The following ARMC3 variants were observed in gnomAD, a reference collection of about 807,000 sequenced individuals.
ARMC3 encodes the protein armadillo repeat containing 3.
In ARMC3, 74 loss-of-function variants were observed where a neutral mutation model predicts 90.3. The observed-to-expected ratio is 0.82, with a 90% confidence interval of 0.68 to 0.99. ARMC3 has a LOEUF of 0.99. Ranked by LOEUF, ARMC3 falls within the 50% of genes least tolerant of loss-of-function variation. ARMC3 has a pLI of 0.00. For missense variants in ARMC3, 958 were observed against 1,042.8 expected (o/e 0.92, Z 1.12); for synonymous variants, 334 against 361.8 (o/e 0.92, Z 0.87).
chr10:22,995,796 T>A (rs746562133), intron 10 of ARMC3, among the ~76,000 whole-genome samples: 1 of 152,262 alleles, frequency 6.6e-6, no homozygotes, highest in Non-Finnish European at 1.5e-5. Context: ...CCCTGCGAAC[T>A]CCTTTAGTTT....
intron 16 of ARMC3, among the ~76,000 whole-genome samples, chr10:23,027,966 C>T (rs1838781229): frequency 6.6e-6 from 1 of 152,030 alleles, no homozygotes; most frequent in Non-Finnish European, 1.5e-5. Flanking sequence ...CATAGTGAGA[C>T]CTTGTCTTTA....
intron 10 of ARMC3, among the ~76,000 whole-genome samples, chr10:22,995,999 T>C (rs1836932142): frequency 6.6e-6 from 1 of 152,208 alleles, no homozygotes; most frequent in African/African-American, 2.4e-5. Flanking sequence ...AAAGGAATCA[T>C]GCATTTTGGC....
chr10:22,997,709 A>G (rs901837268), intron 10 of ARMC3, among the ~76,000 whole-genome samples: 18 of 152,176 alleles, frequency 1.2e-4, no homozygotes, highest in Non-Finnish European at 4.4e-5. Flanking sequence ...TTGTTTTCTT[A>G]ATAGCTAGGA....
intron 7 of ARMC3, among the ~76,000 whole-genome samples, chr10:22,965,636 C>CAA (rs1835409296): frequency 6.6e-6 from 1 of 152,166 alleles, no homozygotes; most frequent in African/African-American, 2.4e-5. Flanking sequence ...CATTCCTTCT[C>CAA]TCCCTCCGGA....
At position 22,962,037 on chromosome 10, in the gene ARMC3, A is replaced by G; in HGVS notation, c.691A>G (p.Asn231Asp). 6.2e-7 allele frequency: 1 copy of G among 1,603,242 alleles called. No individual in the cohort carries two copies. The highest frequency in any genetic ancestry group is 1.1e-5 in the South Asian group (1 of 88,780). The part of the protein sequence containing the change: ...DKESRTMLRD[N>D]QGLDHLIKIL... ...GGAGTCTCGAACAATGCTAAGAGAC[A>G]ATCAAGGATTGGACCATCTTATTAA... The change falls in exon 7 of 19, where the codon AAT becomes GAT. Residue 231 changes from asparagine (N) to aspartate (D), a missense_variant. Asn to Asp is a conservative substitution (Grantham distance 23). Transcript: ENST00000298032.
intron 14 of ARMC3, among the ~76,000 whole-genome samples, chr10:23,007,773 C>T (rs1490568744): frequency 6.7e-6 from 1 of 150,328 alleles, no homozygotes; most frequent in African/African-American, 2.4e-5. Flanking sequence ...TTATGTGATA[C>T]ATTTTATACA....
chr10:23,030,532 A>G (rs1480318123), intron 16 of ARMC3, 64 bp from the exon 17 acceptor site: 44 of 1,542,824 alleles, frequency 2.9e-5, no homozygotes, highest in Admixed American at 5.9e-5. Flanking sequence ...TCAGAAATGC[A>G]AGAGCAATTG....
At chr10:23,003,465 T>C (rs768046779) in intron 13 of ARMC3, 51 bp downstream of exon 13, 1 of 1,404,372 alleles carries the variant, frequency 7.1e-7, no homozygotes, top group Non-Finnish European at 9.5e-7. Context: ...ATAATTTTTC[T>C]TTAATCCTGA....
intron 3 of ARMC3, among the ~76,000 whole-genome samples, chr10:22,951,436 T>A (rs1334900146): frequency 6.6e-6 from 1 of 152,178 alleles, no homozygotes; most frequent in Non-Finnish European, 1.5e-5. Flanking sequence ...TTAATATTTA[T>A]AGAACACTTT....
At chr10:22,956,037 T>C in intron 4 of ARMC3, 105 bp downstream of exon 4, 1 of 1,123,764 alleles carries the variant, frequency 8.9e-7, no homozygotes, top group South Asian at 1.7e-5. Flanking sequence ...TTAAACTGAC[T>C]TTCATGTTCA....
intron 2 of ARMC3, among the ~76,000 whole-genome samples, chr10:22,933,931 G>A (rs192781812): frequency 1.3e-5 from 2 of 152,056 alleles, no homozygotes; most frequent in East Asian, 1.9e-4. Context: ...CTGACAGAGT[G>A]GTATTAAAAT....
chr10:22,959,675 A>C, intron 6 of ARMC3, 101 bp downstream of exon 6: 1 of 1,139,786 alleles, frequency 8.8e-7, no homozygotes, highest in Non-Finnish European at 1.2e-6. Flanking sequence ...CCAGTTTTGC[A>C]TCATCAGATC....
chr10:22,966,265 G>A (rs1835434720), intron 7 of ARMC3, among the ~76,000 whole-genome samples: 1 of 152,180 alleles, frequency 6.6e-6, no homozygotes, highest in African/African-American at 2.4e-5. Context: ...TCAGTCTCAG[G>A]CTCTGACCTC....
At position 23,032,921 on chromosome 10, in the gene ARMC3, G is replaced by A. The variant is rs1400224296; in HGVS notation, c.2307G>A (p.Trp769Ter). 6.2e-7 allele frequency: 1 copy of A among 1,612,828 alleles called. No individual in the cohort carries two copies. Among genetic ancestry groups the A allele is most frequent in the African/African-American group, 1.3e-5 (1 of 74,830 alleles). ...AAGAGAAACTACCTGATTTCAGCTG[G>A]GAACTTCACATAAGTGAACTGAAAT... ...IPKEKLPDFS[W>*]ELHISELKFQ... Residue 769 changes from tryptophan (W) to a stop codon, truncating the protein, a stop_gained, in exon 18 of 19, where the codon TGG (tryptophan) becomes TGA (stop). Coordinates refer to ENST00000298032, the MANE Select transcript of ARMC3 (RefSeq NM_173081.5). LOFTEE classifies it high-confidence loss of function.
intron 10 of ARMC3, among the ~76,000 whole-genome samples, chr10:22,981,947 C>T (rs1202159415): frequency 6.6e-6 from 1 of 152,110 alleles, no homozygotes; most frequent in African/African-American, 2.4e-5. Context: ...TTTCAGGGAC[C>T]AAGAGGACTC....
chr10:22,938,026 A>C (rs1329265304), intron 2 of ARMC3, among the ~76,000 whole-genome samples: 1 of 152,252 alleles, frequency 6.6e-6, no homozygotes, highest in Non-Finnish European at 1.5e-5. Flanking sequence ...ACAGTCAATT[A>C]ATAATAATAT....
At chr10:22,933,332 C>G (rs1834000405) in intron 2 of ARMC3, among the ~76,000 whole-genome samples, 1 of 152,052 alleles carries the variant, frequency 6.6e-6, no homozygotes, top group South Asian at 2.1e-4. Context: ...TTAATGGCAT[C>G]TGATTAGCAA....
intron 10 of ARMC3, among the ~76,000 whole-genome samples, chr10:22,982,391 C>T (rs1836234492): frequency 6.6e-6 from 1 of 152,170 alleles, no homozygotes; most frequent in African/African-American, 2.4e-5. Flanking sequence ...AACAAACAAA[C>T]AAACAAACCA....
intron 8 of ARMC3, among the ~76,000 whole-genome samples, chr10:22,971,544 G>A (rs908188635): frequency 4.7e-5 from 7 of 150,238 alleles, no homozygotes; most frequent in South Asian, 2.1e-4. Context: ...GGCTTCCAGC[G>A]ATTCTCCTGC....
Sources: gnomAD v4.1 joint callset for allele counts (sites outside exome capture counted in the v4.1 genomes callset) on GRCh38, gnomAD v4.1.1 for gene constraint, MANE v1.5 for transcripts, NCBI Gene and HGNC (gene_info 2026-07-23, HGNC 2026-07-21) for gene names.